RNF144A: variants seen among roughly 807,000 people sequenced by gnomAD.
RNF144A encodes the protein ring finger protein 144A.
In RNF144A, 11 loss-of-function variants were observed where a neutral mutation model predicts 38.7. That is an observed-to-expected ratio of 0.28 (90% CI 0.18 to 0.47). The LOEUF is 0.47. Ranked by LOEUF, RNF144A falls within the 20% of genes least tolerant of loss-of-function variation. The probability of loss-of-function intolerance (pLI) is 0.99; values close to 1 mark genes in which losing one functional copy is unlikely to be tolerated. For missense variants in RNF144A, 316 were observed against 377.2 expected, an observed-to-expected ratio of 0.84 and a Z score of 1.34; for synonymous variants, 149 against 143.9, an observed-to-expected ratio of 1.04 and a Z score of -0.25.
At chr2:6,933,674 T>TTC (rs1420022984) in intron 1 of RNF144A, among the ~76,000 whole-genome samples, 1 of 7,422 alleles carries the variant, frequency 1.3e-4, no homozygotes, top group Non-Finnish European at 1.8e-3. Flanking sequence ...TGCCCACAGG[T>TTC]TTTTTTTTTA....
intron 2 of RNF144A, among the ~76,000 whole-genome samples, chr2:6,985,073 T>C (rs1048384876): frequency 6.6e-6 from 1 of 152,212 alleles, no homozygotes; most frequent in Admixed American, 6.5e-5. Context: ...AAAATAAACT[T>C]CACATAAGAA....
At chr2:7,003,663 A>G (rs1193066620) in intron 3 of RNF144A, among the ~76,000 whole-genome samples, 1 of 152,220 alleles carries the variant, frequency 6.6e-6, no homozygotes, top group African/African-American at 2.4e-5. Context: ...CTAAGGATAC[A>G]TTGTTCAGAA....
intron 5 of RNF144A, among the ~76,000 whole-genome samples, chr2:7,017,300 TTG>T (rs1451987145): frequency 9.8e-6 from 1 of 102,058 alleles, no homozygotes; most frequent in African/African-American, 5.5e-5. Flanking sequence ...CAACCGTGTA[TTG>T]TTTTTTTTTT....
intron 7 of RNF144A, 27 bp from the exon 8 acceptor site, chr2:7,030,099 T>C (rs2103445163): frequency 6.5e-7 from 1 of 1,528,074 alleles, no homozygotes; most frequent in African/African-American, 1.4e-5. Flanking sequence ...CACTCGTTCA[T>C]GCCGTCTCTG....
intron 2 of RNF144A, among the ~76,000 whole-genome samples, chr2:6,975,407 C>T (rs1049089530): frequency 1.3e-5 from 2 of 152,208 alleles, no homozygotes; most frequent in African/African-American, 4.8e-5. Flanking sequence ...CCCTTTCAGC[C>T]TGTGATTCAC....
At chr2:6,939,449 G>A (rs1381579259) in intron 1 of RNF144A, among the ~76,000 whole-genome samples, 1 of 152,170 alleles carries the variant, frequency 6.6e-6, no homozygotes, top group Non-Finnish European at 1.5e-5. Context: ...GGATTGTTAA[G>A]TATTCTTCAT....
At chr2:6,951,046 A>G (rs1666644288) in intron 2 of RNF144A, among the ~76,000 whole-genome samples, 1 of 152,188 alleles carries the variant, frequency 6.6e-6, no homozygotes, top group Admixed American at 6.5e-5. Flanking sequence ...CCCATTTATA[A>G]TTAGGGCCTT....
Position 7,039,796 on chromosome 2 carries a change from G to A in RNF144A, c.*36G>A. On this transcript the variant is annotated 3_prime_UTR_variant, in exon 9 of 9. Coordinates refer to ENST00000320892, the MANE Select transcript of RNF144A (RefSeq NM_014746.6). ...ATGCTGGAACACATCCCTGCCTCCG[G>A]GAAGTGTGGCTCTCCCCCAACCCTC... The A allele has an allele frequency of 6.2e-7, 1 of 1,607,098 alleles. No individual in the cohort carries two copies. The highest frequency in any genetic ancestry group is 8.5e-7 in the Non-Finnish European group (1 of 1,176,352).
At chr2:6,985,270 CTTTT>C (rs748540904) in intron 2 of RNF144A, among the ~76,000 whole-genome samples, 21,692 of 104,296 alleles carry the variant, frequency 0.21, 1,815 homozygotes, top group East Asian at 0.23. Context: ...CCTCCCCCCT[CTTTT>C]TTTTTTTTTT....
downstream of RNF144A, among the ~76,000 whole-genome samples, chr2:7,045,673 G>A (rs934204523): frequency 2.0e-5 from 3 of 152,206 alleles, no homozygotes; most frequent in African/African-American, 7.2e-5. Context: ...GGTTCTGGGG[G>A]TTAGGCTTCA....
chr2:6,956,587 G>C (rs1667014570), intron 2 of RNF144A, among the ~76,000 whole-genome samples: 1 of 152,158 alleles, frequency 6.6e-6, no homozygotes, highest in Non-Finnish European at 1.5e-5. Flanking sequence ...TTAATTTGCA[G>C]TTGGGTCTTG....
intron 2 of RNF144A, among the ~76,000 whole-genome samples, chr2:6,990,682 A>G (rs1669307457): frequency 6.6e-6 from 1 of 151,854 alleles, no homozygotes; most frequent in African/African-American, 2.4e-5. Context: ...CAAATTTGCC[A>G]GGGGGGTAAA....
At chr2:7,002,415 C>T (rs1351425398) in intron 3 of RNF144A, among the ~76,000 whole-genome samples, 1 of 152,112 alleles carries the variant, frequency 6.6e-6, no homozygotes, top group Non-Finnish European at 1.5e-5. Flanking sequence ...TAGTGGGTTA[C>T]AGCACAGAGA....
chr2:6,961,316 A>G (rs1019003791), intron 2 of RNF144A, among the ~76,000 whole-genome samples: 1 of 152,172 alleles, frequency 6.6e-6, no homozygotes, highest in Non-Finnish European at 1.5e-5. Flanking sequence ...TGCTACGACA[A>G]TATGACCAGG....
chr2:7,012,485 G>A (rs2103416213), intron 3 of RNF144A, among the ~76,000 whole-genome samples: 1 of 152,332 alleles, frequency 6.6e-6, no homozygotes, highest in East Asian at 1.9e-4. Flanking sequence ...AGGATTGGTT[G>A]AGCCTGTCTG....
rs1667128328 is a variant in RNF144A at position 6,958,214 on chromosome 2, T to C, written c.-12+17067T>C. ...TCACCACTCTGCCTGGCCTCAGCAGTCCCTTCTGCGGGGCTCTGCTCTGGG... is the reference window on the plus strand; with the variant it reads ...TCACCACTCTGCCTGGCCTCAGCAGCCCCTTCTGCGGGGCTCTGCTCTGGG... On this transcript the variant is annotated intron_variant, in intron 2 of 8. Coordinates refer to ENST00000320892, the MANE Select transcript of RNF144A (RefSeq NM_014746.6). The surrounding 1 kb of genome is among the most constrained non-coding windows in gnomAD (Gnocchi z 4.5). Among the ~76,000 whole-genome samples the C allele has an allele frequency of 6.6e-6, 1 of 152,152 alleles. No homozygotes were observed. The highest frequency in any genetic ancestry group is 2.4e-5 in the African/African-American group (1 of 41,446).
chr2:7,028,984 C>G (rs1672098796), intron 7 of RNF144A, among the ~76,000 whole-genome samples: 1 of 152,190 alleles, frequency 6.6e-6, no homozygotes, highest in African/African-American at 2.4e-5. Context: ...AATCAGGAAA[C>G]TCAAGGCTGG....
chr2:6,988,413 C>A (rs573963346), intron 2 of RNF144A, among the ~76,000 whole-genome samples: 3 of 152,202 alleles, frequency 2.0e-5, no homozygotes, highest in Admixed American at 1.3e-4. Context: ...AGAGTCCTCT[C>A]CACTGGGACA....
chr2:7,004,659 T>C (rs1414867188), intron 3 of RNF144A, among the ~76,000 whole-genome samples: 8 of 152,336 alleles, frequency 5.3e-5, no homozygotes, highest in South Asian at 4.1e-4. Flanking sequence ...TTTCTGCCTT[T>C]TTCCCCAGCT....
Sources: gnomAD v4.1 joint callset for allele counts (sites outside exome capture counted in the v4.1 genomes callset) on GRCh38, gnomAD v4.1.1 for gene constraint, Gnocchi (gnomAD v3.1) non-coding constraint, MANE v1.5 for transcripts, NCBI Gene and HGNC (gene_info 2026-07-23, HGNC 2026-07-21) for gene names.